The following OXR1 variants were observed in gnomAD, a reference collection of about 807,000 sequenced individuals.
OXR1 encodes the protein oxidation resistance 1, also known as oxidation resistance protein 1.
Under a neutral mutation model 104.6 loss-of-function variants are expected in OXR1, and 41 were observed. That is an observed-to-expected ratio of 0.39 (90% CI 0.31 to 0.51). OXR1 has a LOEUF of 0.51. Among genes scored for constraint, OXR1 ranks in the 20% least tolerant of loss-of-function variants. The pLI is 0.77. For missense variants in OXR1, 955 were observed against 1,031.9 expected (o/e 0.93, Z 1.02); for synonymous variants, 348 against 348.4 (o/e 1.00, Z 0.01).
chr8:106,393,869 G>T (rs989302113), intron 2 of OXR1, among the ~76,000 whole-genome samples: 6 of 151,816 alleles, frequency 4.0e-5, no homozygotes, highest in Admixed American at 3.3e-4. Flanking sequence ...ATTAGGATTT[G>T]ATATTCCTAT....
intron 2 of OXR1, among the ~76,000 whole-genome samples, chr8:106,490,437 C>A (rs916299586): frequency 6.6e-6 from 1 of 152,190 alleles, no homozygotes; most frequent in African/African-American, 2.4e-5. Context: ...TGGCTCACTG[C>A]AACCTCCGTC....
chr8:106,660,810 C>T (rs188703811), intron 3 of OXR1, among the ~76,000 whole-genome samples: 3 of 152,174 alleles, frequency 2.0e-5, no homozygotes, highest in South Asian at 2.1e-4. Context: ...GTCAGGAGTT[C>T]GAGACCAGCC....
At chr8:106,550,003 C>T (rs768695185) in intron 3 of OXR1, among the ~76,000 whole-genome samples, 6 of 152,186 alleles carry the variant, frequency 3.9e-5, no homozygotes, top group Non-Finnish European at 7.3e-5. Context: ...TGCTAATAAA[C>T]ATTTCCTGGA....
At chr8:106,445,912 A>T (rs373379049) in intron 2 of OXR1, among the ~76,000 whole-genome samples, 1 of 152,180 alleles carries the variant, frequency 6.6e-6, no homozygotes, top group Non-Finnish European at 1.5e-5. Flanking sequence ...GTTGACTTTA[A>T]TTTCGCCTGG....
chr8:106,555,247 G>A (rs892362119), intron 3 of OXR1, among the ~76,000 whole-genome samples: 8 of 152,082 alleles, frequency 5.3e-5, no homozygotes, highest in African/African-American at 1.7e-4. Context: ...CAAGTCATGG[G>A]TGAGAACTGC....
chr8:106,508,669 A>G (rs1056889462), intron 2 of OXR1, among the ~76,000 whole-genome samples: 8 of 152,260 alleles, frequency 5.3e-5, no homozygotes, highest in African/African-American at 1.9e-4. Context: ...ATTCATCAAT[A>G]GGATGATTTA....
At chr8:106,270,695 G>A (rs1811759382) in intron 1 of OXR1, among the ~76,000 whole-genome samples, 1 of 148,440 alleles carries the variant, frequency 6.7e-6, no homozygotes, top group Admixed American at 6.7e-5. Flanking sequence ...TGGGGCGCGG[G>A]AGCCCGGCCA....
chr8:106,658,149 C>T, intron 3 of OXR1: 1 of 1,245,478 alleles, frequency 8.0e-7, no homozygotes, highest in East Asian at 3.2e-5. Context: ...GTCCCCGCCC[C>T]ACCGGCCCCC....
intron 2 of OXR1, among the ~76,000 whole-genome samples, chr8:106,377,760 A>G (rs1415405623): frequency 6.6e-6 from 1 of 152,086 alleles, no homozygotes; most frequent in Non-Finnish European, 1.5e-5. Context: ...TTCCTGTTCT[A>G]CCTTTCTTTA....
intron 3 of OXR1, among the ~76,000 whole-genome samples, chr8:106,565,434 C>T (rs1026998303): frequency 1.3e-5 from 2 of 152,018 alleles, no homozygotes; most frequent in African/African-American, 4.8e-5. Flanking sequence ...TGTGAAGAAC[C>T]TCTTCAAGGA....
chr8:106,314,905 C>T (rs1218994772), intron 1 of OXR1, among the ~76,000 whole-genome samples: 1 of 152,154 alleles, frequency 6.6e-6, no homozygotes, highest in Admixed American at 6.5e-5. Context: ...AATTTTATCT[C>T]CGTGATGACA....
At chr8:106,519,799 T>G (rs558320098) in intron 3 of OXR1, among the ~76,000 whole-genome samples, 1 of 152,356 alleles carries the variant, frequency 6.6e-6, no homozygotes, top group East Asian at 1.9e-4. Flanking sequence ...TCCTGTAATT[T>G]TTGTATTTTA....
At chr8:106,462,007 G>C (rs1200672656) in intron 2 of OXR1, among the ~76,000 whole-genome samples, 1 of 152,086 alleles carries the variant, frequency 6.6e-6, no homozygotes, top group Non-Finnish European at 1.5e-5. Context: ...TTTCCATTTT[G>C]TGTTTAATTT....
At chr8:106,698,844 G>A (rs983623048) in intron 7 of OXR1, among the ~76,000 whole-genome samples, 7 of 151,592 alleles carry the variant, frequency 4.6e-5, no homozygotes, top group South Asian at 2.1e-4. Context: ...GTCTGTTTGC[G>A]TTTATTGATT....
At chr8:106,679,155 G>A (rs1462051229) in intron 3 of OXR1, 55 bp from the exon 4 acceptor site, 6 of 1,069,048 alleles carry the variant, frequency 5.6e-6, no homozygotes, top group Admixed American at 1.8e-5. Context: ...AGTAGTCCTT[G>A]ACATTACTCT....
chr8:106,702,391 AC>A (rs1420100703), intron 7 of OXR1, among the ~76,000 whole-genome samples: 2 of 152,218 alleles, frequency 1.3e-5, no homozygotes, highest in African/African-American at 4.8e-5. Flanking sequence ...AAGCCCAGAG[AC>A]TCCTTGCCCA....
At chr8:106,283,579 AG>A (rs1404922549) in intron 1 of OXR1, among the ~76,000 whole-genome samples, 67 of 152,326 alleles carry the variant, frequency 4.4e-4, no homozygotes, top group African/African-American at 1.6e-3. Context: ...GTCATGCCAA[AG>A]CATATCATTT....
chr8:106,458,728 A>G (rs1820745180), intron 2 of OXR1, among the ~76,000 whole-genome samples: 1 of 152,104 alleles, frequency 6.6e-6, no homozygotes, highest in African/African-American at 2.4e-5. Context: ...TAGGAGCCCA[A>G]TGCCTGCCTC....
chr8:106,471,632 A>G (rs1008956383), intron 2 of OXR1, among the ~76,000 whole-genome samples: 4 of 151,974 alleles, frequency 2.6e-5, no homozygotes, highest in African/African-American at 9.6e-5. Context: ...TGTTGTTCCC[A>G]TGTTCAAGGA....
Sources: gnomAD v4.1 joint callset for allele counts (sites outside exome capture counted in the v4.1 genomes callset) on GRCh38, gnomAD v4.1.1 for gene constraint, MANE v1.5 for transcripts, NCBI Gene and HGNC (gene_info 2026-07-23, HGNC 2026-07-21) for gene names.